The following RAB11FIP4 variants were observed in gnomAD, a reference collection of about 807,000 sequenced individuals.
The protein encoded by RAB11FIP4 is RAB11 family interacting protein 4.
In RAB11FIP4, 23 loss-of-function variants were observed where a neutral mutation model predicts 74.3. That is an observed-to-expected ratio of 0.31 (90% CI 0.22 to 0.44). RAB11FIP4 has a LOEUF of 0.44. Ranked by LOEUF, RAB11FIP4 falls within the 20% of genes least tolerant of loss-of-function variation. RAB11FIP4 has a pLI of 1.00. For synonymous variants in RAB11FIP4, 360 were observed against 359.9 expected, an observed-to-expected ratio of 1.00 and a Z score of 0.00; for missense variants, 630 against 863.9, an observed-to-expected ratio of 0.73 and a Z score of 3.39.
intron 3 of RAB11FIP4, among the ~76,000 whole-genome samples, chr17:31,510,216 A>C (rs1462619588): frequency 6.6e-6 from 1 of 152,172 alleles, no homozygotes; most frequent in Non-Finnish European, 1.5e-5. Context: ...TGCTGCCCAT[A>C]GGAAGGACCC....
At chr17:31,392,204 C>T in intron 1 of RAB11FIP4, 193 bp downstream of exon 1, 1 of 393,580 alleles carries the variant, frequency 2.5e-6, no homozygotes, top group Non-Finnish European at 4.3e-6. Flanking sequence ...GCTTTCCGCC[C>T]CCCGGCGCCC....
intron 13 of RAB11FIP4, 42 bp downstream of exon 13, chr17:31,528,820 G>C: frequency 6.3e-7 from 1 of 1,577,518 alleles, no homozygotes. Flanking sequence ...CAGGGTGGCC[G>C]GGCCCACCAC....
intron 14 of RAB11FIP4, 39 bp downstream of exon 14, chr17:31,530,508 C>T (rs1439292783): frequency 6.3e-7 from 1 of 1,598,496 alleles, no homozygotes; most frequent in African/African-American, 1.3e-5. Context: ...GGCCTGGCCG[C>T]CCTCTGTGAT....
At chr17:31,447,153 G>A (rs1033868141) in intron 3 of RAB11FIP4, among the ~76,000 whole-genome samples, 4 of 152,212 alleles carry the variant, frequency 2.6e-5, no homozygotes, top group Non-Finnish European at 5.9e-5. Context: ...GCGTGGTGGT[G>A]GGCGCCTGTA....
intron 1 of RAB11FIP4, among the ~76,000 whole-genome samples, chr17:31,405,627 C>A (rs948638364): frequency 6.6e-6 from 1 of 152,146 alleles, no homozygotes; most frequent in African/African-American, 2.4e-5. Context: ...CCCTCCTAGG[C>A]CTCCCAAAGT....
Position 31,528,396 on chromosome 17 carries a change from C to A in RAB11FIP4, c.1357-10C>A. The stretch of plus-strand genomic sequence containing the variant: ...AACTCTCCTCCCCTGATCGGGTCTC[C>A]CTGCTCCAGGAGCGGCAGCGCATGT... On this transcript the variant is annotated splice_polypyrimidine_tract_variant and intron_variant, in intron 11 of 14. Transcript: ENST00000621161. 1 of 1,611,336 alleles carries A rather than the reference C, an allele frequency of 6.2e-7. No individual in the cohort carries two copies. The highest frequency in any genetic ancestry group is 8.5e-7 in the Non-Finnish European group (1 of 1,179,568).
At chr17:31,507,912 G>A (rs1597966865) in intron 3 of RAB11FIP4, among the ~76,000 whole-genome samples, 1 of 152,122 alleles carries the variant, frequency 6.6e-6, no homozygotes, top group African/African-American at 2.4e-5. Context: ...TCACAGCCTC[G>A]ACTTCCTGGG....
chr17:31,510,546 C>A (rs536535812), intron 3 of RAB11FIP4, among the ~76,000 whole-genome samples: 1 of 152,206 alleles, frequency 6.6e-6, no homozygotes, highest in African/African-American at 2.4e-5. Flanking sequence ...GGTGGATGAG[C>A]TGGAACCTCG....
intron 3 of RAB11FIP4, among the ~76,000 whole-genome samples, chr17:31,469,730 A>G (rs1301911843): frequency 1.3e-5 from 2 of 151,950 alleles, no homozygotes; most frequent in African/African-American, 4.8e-5. Context: ...ACGAAAGAGT[A>G]GGGAAGAATT....
At chr17:31,523,778 C>A in intron 8 of RAB11FIP4, 115 bp from the exon 9 acceptor site, 2 of 1,000,884 alleles carry the variant, frequency 2.0e-6, no homozygotes, top group Non-Finnish European at 3.1e-6. Flanking sequence ...CCACACATGA[C>A]CGTTCTCAGA....
intron 1 of RAB11FIP4, among the ~76,000 whole-genome samples, chr17:31,407,565 G>C (rs1225539816): frequency 2.0e-5 from 3 of 152,182 alleles, no homozygotes; most frequent in African/African-American, 7.2e-5. Context: ...CTCATAATCA[G>C]ATTTCCCTAG....
intron 1 of RAB11FIP4, among the ~76,000 whole-genome samples, chr17:31,404,089 G>A (rs920946556): frequency 4.6e-5 from 7 of 152,204 alleles, no homozygotes; most frequent in Non-Finnish European, 8.8e-5. Flanking sequence ...CAGGAGGTGC[G>A]CATTTCTCTG....
chr17:31,422,130 A>G lies in RAB11FIP4; in HGVS notation c.160-9683A>G, dbSNP rs569158383. Among the ~76,000 whole-genome samples the G allele has an allele frequency of 2.3e-3, 351 of 152,230 alleles. 1 individual carries two copies. Among genetic ancestry groups the G allele is most frequent in the South Asian group, 0.011 (53 of 4,824 alleles). On this transcript the variant is annotated intron_variant, in intron 1 of 14. Transcript: ENST00000621161. ...GTGGAGGCTGCAGTGAGCTATGATC[A>G]CACCGCTGCACTCCAGCCAAGGTGA...
rs189635167 is a variant in RAB11FIP4 at position 31,406,972 on chromosome 17, G to C, written c.159+14961G>C. Among the ~76,000 whole-genome samples, 590 of 127,862 alleles carry C rather than the reference G, an allele frequency of 4.6e-3. 5 individuals are homozygous for C. Among genetic ancestry groups the C allele is most frequent in the African/African-American group, 0.016 (559 of 34,666 alleles). The allele number at this position is 127,862 out of a possible 152,430, so 83.9% of individuals were successfully genotyped here. On this transcript the variant is annotated intron_variant, in intron 1 of 14. Transcript: ENST00000621161. ...CTAACAAGAATAAATAAGCCATTTTGTTTATAACCCCCAGTTAACTCACCA... is the reference window on the plus strand; with the variant it reads ...CTAACAAGAATAAATAAGCCATTTTCTTTATAACCCCCAGTTAACTCACCA...
Position 31,447,115 on chromosome 17 carries a change from TC to T in RAB11FIP4, c.336+12995del, listed in dbSNP as rs1470879712. ...CTGGCTAACACGGTGAAACCCCGTC[TC>T]CACTAAAAATACAAAAAATTAGCCG... On this transcript the variant is annotated intron_variant, in intron 3 of 14. Coordinates refer to ENST00000621161, the MANE Select transcript of RAB11FIP4 (RefSeq NM_032932.6). 4.6e-5 allele frequency among the ~76,000 whole-genome samples: 7 copies of T among 152,264 alleles called. No individual in the cohort carries two copies. The East Asian group carries it at 1.2e-3, about 25-fold the overall frequency.
At chr17:31,411,242 T>C (rs775091379) in intron 1 of RAB11FIP4, among the ~76,000 whole-genome samples, 6 of 152,150 alleles carry the variant, frequency 3.9e-5, no homozygotes, top group Non-Finnish European at 7.4e-5. Flanking sequence ...CGGGCGCCTG[T>C]AGTCCCAGCT....
At chr17:31,433,814 C>T (rs1234572010) in intron 2 of RAB11FIP4, among the ~76,000 whole-genome samples, 1 of 152,212 alleles carries the variant, frequency 6.6e-6, no homozygotes, top group Non-Finnish European at 1.5e-5. Flanking sequence ...GAATTAGTCC[C>T]AGAGGACAAG....
chr17:31,523,382 C>G, intron 7 of RAB11FIP4, 130 bp from the exon 8 acceptor site: 1 of 743,654 alleles, frequency 1.3e-6, no homozygotes, highest in Non-Finnish European at 2.4e-6. Context: ...TCCTCTCAGG[C>G]TGAGTGAGGG....
intron 1 of RAB11FIP4, among the ~76,000 whole-genome samples, chr17:31,417,354 C>T (rs1316462497): frequency 6.6e-6 from 1 of 152,188 alleles, no homozygotes; most frequent in Non-Finnish European, 1.5e-5. Flanking sequence ...AAGGCACTTC[C>T]CGGCCTGCTG....
Sources: gnomAD v4.1 joint callset for allele counts (sites outside exome capture counted in the v4.1 genomes callset) on GRCh38, gnomAD v4.1.1 for gene constraint, MANE v1.5 for transcripts, NCBI Gene and HGNC (gene_info 2026-07-23, HGNC 2026-07-21) for gene names.